Variants in CNTNAP2 observed in about 807,000 individuals in gnomAD.
CNTNAP2 encodes contactin associated protein 2.
A neutral mutation model predicts 155.2 loss-of-function variants in CNTNAP2; 98 were observed. That is an observed-to-expected ratio of 0.63 (90% CI 0.54 to 0.75). The LOEUF (loss-of-function observed/expected upper bound fraction) is 0.75, where lower values mean the gene tolerates loss of function less well. Ranked by LOEUF, CNTNAP2 falls within the 30% of genes least tolerant of loss-of-function variation. The pLI, the probability that CNTNAP2 is intolerant of heterozygous loss-of-function variation, is 0.00. For synonymous variants in CNTNAP2, 651 were observed against 631.2 expected, an observed-to-expected ratio of 1.03 and a Z score of -0.47; for missense variants, 1,727 against 1,688.1, an observed-to-expected ratio of 1.02 and a Z score of -0.40.
chr7:147,752,495 T>A (rs1797151654), intron 13 of CNTNAP2, among the ~76,000 whole-genome samples: 5 of 152,192 alleles, frequency 3.3e-5, no homozygotes, highest in Admixed American at 1.3e-4. Context: ...AGGAGCCTGG[T>A]CAATACGGTG....
intron 8 of CNTNAP2, among the ~76,000 whole-genome samples, chr7:147,216,460 G>T (rs942984874): frequency 2.0e-5 from 3 of 151,862 alleles, no homozygotes; most frequent in Non-Finnish European, 4.4e-5. Flanking sequence ...TATAGCCTTT[G>T]CTTCTTTGTC....
chr7:147,374,777 T>C (rs1796406594), intron 9 of CNTNAP2, among the ~76,000 whole-genome samples: 3 of 151,966 alleles, frequency 2.0e-5, no homozygotes, highest in African/African-American at 7.2e-5. Flanking sequence ...TTTCCTGGTG[T>C]TGCCTTAAAA....
At chr7:147,312,706 G>A (rs1305174732) in intron 9 of CNTNAP2, among the ~76,000 whole-genome samples, 1 of 107,222 alleles carries the variant, frequency 9.3e-6, no homozygotes, top group Non-Finnish European at 1.8e-5. Flanking sequence ...ATTGTGAATA[G>A]TGCTGCAATA....
At chr7:146,801,934 T>A (rs983798933) in intron 2 of CNTNAP2, among the ~76,000 whole-genome samples, 2 of 152,218 alleles carry the variant, frequency 1.3e-5, no homozygotes, top group African/African-American at 4.8e-5. Context: ...GATATGAATC[T>A]CAGTGACCAT....
At chr7:147,208,297 G>A (rs1432236997) in intron 8 of CNTNAP2, among the ~76,000 whole-genome samples, 1 of 151,868 alleles carries the variant, frequency 6.6e-6, no homozygotes, top group Non-Finnish European at 1.5e-5. Flanking sequence ...TTCCTAAATT[G>A]TCAATATTTT....
intron 13 of CNTNAP2, among the ~76,000 whole-genome samples, chr7:147,892,990 A>G (rs1257511088): frequency 2.0e-5 from 3 of 152,238 alleles, no homozygotes; most frequent in Non-Finnish European, 4.4e-5. Flanking sequence ...GAATGTTTAC[A>G]TTAGAACTTC....
intron 1 of CNTNAP2, among the ~76,000 whole-genome samples, chr7:146,430,426 A>T (rs890873327): frequency 6.6e-6 from 1 of 152,052 alleles, no homozygotes; most frequent in African/African-American, 2.4e-5. Context: ...TACCACTTGT[A>T]ATATAATCTA....
intron 1 of CNTNAP2, among the ~76,000 whole-genome samples, chr7:146,342,859 A>C (rs1341233265): frequency 6.6e-6 from 1 of 152,162 alleles, no homozygotes; most frequent in Non-Finnish European, 1.5e-5. Flanking sequence ...ATTATTCTTC[A>C]TTTGCAAAAT....
intron 1 of CNTNAP2, among the ~76,000 whole-genome samples, chr7:146,333,839 T>A (rs1801225580): frequency 6.6e-6 from 1 of 152,344 alleles, no homozygotes; most frequent in African/African-American, 2.4e-5. Flanking sequence ...AGGATCACCA[T>A]GCTTATCTGT....
chr7:148,083,792 A>T (rs1179057588), intron 15 of CNTNAP2, among the ~76,000 whole-genome samples: 1 of 152,174 alleles, frequency 6.6e-6, no homozygotes, highest in Non-Finnish European at 1.5e-5. Context: ...AAGAAATACA[A>T]TTACTTAATG....
chr7:146,791,506 G>C (rs1049974585), intron 2 of CNTNAP2, among the ~76,000 whole-genome samples: 1 of 152,182 alleles, frequency 6.6e-6, no homozygotes, highest in Non-Finnish European at 1.5e-5. Context: ...GACAGACCCA[G>C]AGATGCCAAT....
At chr7:146,381,678 T>C (rs1795391420) in intron 1 of CNTNAP2, among the ~76,000 whole-genome samples, 1 of 152,172 alleles carries the variant, frequency 6.6e-6, no homozygotes. Flanking sequence ...TTCAAAGACC[T>C]ATATCAGTTA....
At chr7:148,148,577 G>A (rs954488783) in intron 17 of CNTNAP2, among the ~76,000 whole-genome samples, 5 of 152,350 alleles carry the variant, frequency 3.3e-5, no homozygotes, top group African/African-American at 1.2e-4. Flanking sequence ...AGATAAGAAT[G>A]TGACTTGGTT....
intron 1 of CNTNAP2, among the ~76,000 whole-genome samples, chr7:146,697,746 C>T (rs998372838): frequency 1.3e-5 from 2 of 152,156 alleles, no homozygotes; most frequent in South Asian, 2.1e-4. Flanking sequence ...CCGTGATAAG[C>T]TCTTTTGATT....
chr7:147,746,467 C>T (rs111746383), intron 13 of CNTNAP2, among the ~76,000 whole-genome samples: 3,571 of 152,162 alleles, frequency 0.023, 69 homozygotes, highest in Middle Eastern at 0.037. Context: ...GGGACGAGGA[C>T]GAAATATTTA....
intron 6 of CNTNAP2, chr7:147,121,873 G>T (rs953620475): frequency 6.6e-6 from 1 of 152,074 alleles, no homozygotes; most frequent in Admixed American, 6.6e-5. Flanking sequence ...ATATACGTAG[G>T]TGAGCTCTTT....
At chr7:147,698,909 T>C (rs1796196989) in intron 13 of CNTNAP2, among the ~76,000 whole-genome samples, 1 of 151,912 alleles carries the variant, frequency 6.6e-6, no homozygotes, top group African/African-American at 2.4e-5. Flanking sequence ...AATAAATAAA[T>C]AAATACCTTA....
chr7:146,893,443 G>A (rs1795818581), intron 3 of CNTNAP2, among the ~76,000 whole-genome samples: 2 of 147,216 alleles, frequency 1.4e-5, no homozygotes, highest in African/African-American at 5.1e-5. Flanking sequence ...GTGTGTGTAT[G>A]TATATATGTG....
At chr7:146,427,426 A>C (rs1796109419) in intron 1 of CNTNAP2, among the ~76,000 whole-genome samples, 1 of 152,194 alleles carries the variant, frequency 6.6e-6, no homozygotes, top group Admixed American at 6.5e-5. Context: ...CTTTATTATG[A>C]ATGCTAAAAT....
Sources: allele counts gnomAD v4.1 joint callset (sites outside exome capture counted in the v4.1 genomes callset), GRCh38; gene constraint gnomAD v4.1.1; transcripts MANE v1.5; gene names NCBI Gene and HGNC (gene_info 2026-07-23, HGNC 2026-07-21).